FOXP1: variants seen among roughly 807,000 people sequenced by gnomAD.
FOXP1 encodes the protein forkhead box P1.
Under a neutral mutation model 98.2 loss-of-function variants are expected in FOXP1, and 15 were observed. The observed-to-expected ratio is 0.15, with a 90% CI of 0.10 to 0.24. FOXP1 has a LOEUF of 0.24. Ranked by LOEUF, FOXP1 falls within the 10% of genes least tolerant of loss-of-function variation. FOXP1 has a pLI of 1.00. For missense variants in FOXP1, 633 were observed against 848.5 expected (o/e 0.75, Z 3.15); for synonymous variants, 371 against 314.5 (o/e 1.18, Z -1.90).
chr3:71,138,067 T>C (rs1236824178), intron 6 of FOXP1, among the ~76,000 whole-genome samples: 3 of 152,152 alleles, frequency 2.0e-5, no homozygotes, highest in Non-Finnish European at 2.9e-5. Flanking sequence ...CTCCTTGTAA[T>C]GTATTATTGC....
intron 4 of FOXP1, among the ~76,000 whole-genome samples, chr3:71,358,024 G>C (rs1440439236): frequency 1.3e-5 from 2 of 152,046 alleles, no homozygotes; most frequent in African/African-American, 4.8e-5. Flanking sequence ...GTTTGTTTAA[G>C]TATGACTTGC....
intron 3 of FOXP1, among the ~76,000 whole-genome samples, chr3:71,391,475 T>C (rs1197757355): frequency 6.6e-6 from 1 of 152,238 alleles, no homozygotes; most frequent in Non-Finnish European, 1.5e-5. Context: ...CTTTCTTTCA[T>C]CATTCCCTAC....
intron 5 of FOXP1, among the ~76,000 whole-genome samples, chr3:71,250,637 A>C (rs969230424): frequency 6.6e-6 from 1 of 152,220 alleles, no homozygotes; most frequent in Non-Finnish European, 1.5e-5. Context: ...TAAAATTGAA[A>C]GTGTTTTTTG....
At chr3:71,546,659 G>A (rs1027843202) in intron 2 of FOXP1, among the ~76,000 whole-genome samples, 6 of 151,524 alleles carry the variant, frequency 4.0e-5, no homozygotes, top group African/African-American at 1.2e-4. Flanking sequence ...CCAATGCAGC[G>A]AAGCACACCT....
intron 4 of FOXP1, among the ~76,000 whole-genome samples, chr3:71,321,627 CT>C (rs1016238651): frequency 1.0e-3 from 149 of 144,728 alleles, no homozygotes; most frequent in Admixed American, 9.7e-4. Context: ...TTTCTTTTTT[CT>C]TTTTTTTTTT....
At chr3:71,180,865 C>G (rs986553269) in intron 6 of FOXP1, among the ~76,000 whole-genome samples, 1 of 152,148 alleles carries the variant, frequency 6.6e-6, no homozygotes, top group Non-Finnish European at 1.5e-5. Context: ...AACTCTGCGT[C>G]TAAATTTAAA....
At chr3:71,572,482 T>A (rs943573456) in intron 2 of FOXP1, 2 of 142,020 alleles carry the variant, frequency 1.4e-5, no homozygotes, top group African/African-American at 5.2e-5. Context: ...TAGCTACATG[T>A]ATCCACATGG....
intron 2 of FOXP1, among the ~76,000 whole-genome samples, chr3:71,536,229 G>C (rs1488967917): frequency 6.6e-6 from 1 of 152,038 alleles, no homozygotes; most frequent in African/African-American, 2.4e-5. Flanking sequence ...TATAACCAAA[G>C]ACACCCTACA....
chr3:71,260,014 C>T (rs149508906), intron 5 of FOXP1, among the ~76,000 whole-genome samples: 55 of 152,282 alleles, frequency 3.6e-4, no homozygotes, highest in African/African-American at 1.3e-3. Flanking sequence ...GACAGAGTCT[C>T]GCTCTCTCCC....
At chr3:71,561,032 A>C (rs575900042) in intron 2 of FOXP1, among the ~76,000 whole-genome samples, 1 of 152,200 alleles carries the variant, frequency 6.6e-6, no homozygotes, top group Non-Finnish European at 1.5e-5. Context: ...AATATACTAA[A>C]AACCACTGTT....
intron 5 of FOXP1, among the ~76,000 whole-genome samples, chr3:71,223,839 T>G (rs1325970641): frequency 6.6e-6 from 1 of 152,210 alleles, no homozygotes; most frequent in Non-Finnish European, 1.5e-5. Context: ...CATTACTGCT[T>G]CAGTAAAGCC....
At chr3:71,044,843 C>A (rs1001110687) in intron 10 of FOXP1, among the ~76,000 whole-genome samples, 1 of 152,174 alleles carries the variant, frequency 6.6e-6, no homozygotes, top group African/African-American at 2.4e-5. Context: ...CAAAGACAAA[C>A]AGAGTTGATC....
chr3:70,994,803 A>G (rs1435390066), intron 13 of FOXP1, among the ~76,000 whole-genome samples: 3 of 152,198 alleles, frequency 2.0e-5, no homozygotes, highest in Non-Finnish European at 4.4e-5. Context: ...TATTCATTTT[A>G]AAGGGCCTAG....
At chr3:70,984,093 G>A (rs1310747720) in intron 14 of FOXP1, among the ~76,000 whole-genome samples, 1 of 152,206 alleles carries the variant, frequency 6.6e-6, no homozygotes, top group Non-Finnish European at 1.5e-5. Flanking sequence ...AACAAGAAAT[G>A]TGGCCATTCT....
At position 71,126,539 on chromosome 3, in the gene FOXP1, T is replaced by C. The variant is rs547520278; in HGVS notation, c.181-13902A>G. 4.0e-5 allele frequency among the ~76,000 whole-genome samples: 6 copies of C among 151,876 alleles called. No homozygotes were observed. The East Asian group carries it at 9.7e-4, about 24-fold the overall frequency. On this transcript the variant is annotated intron_variant, in intron 6 of 20. Transcript: ENST00000649528. ...TAAAAAGAAAAGAAAAGAAATTTTC[T>C]TGGGCCAAGCACTGTGGCTCACGCC... is the stretch of plus-strand genomic sequence containing the variant.
intron 5 of FOXP1, chr3:71,210,720 A>G (rs2064392333): frequency 6.6e-6 from 1 of 152,312 alleles, no homozygotes; most frequent in East Asian, 1.9e-4. Context: ...GGAGGTAGAG[A>G]AAAGTGAAGG....
intron 6 of FOXP1, among the ~76,000 whole-genome samples, chr3:71,149,904 A>C (rs2060491045): frequency 6.6e-6 from 1 of 152,274 alleles, no homozygotes; most frequent in African/African-American, 2.4e-5. Flanking sequence ...ATTTACTAAA[A>C]TAATTATCAA....
At chr3:70,960,892 A>G (rs2033266178) in intron 20 of FOXP1, among the ~76,000 whole-genome samples, 1 of 145,148 alleles carries the variant, frequency 6.9e-6, no homozygotes, top group Middle Eastern at 3.7e-3. Context: ...CCCAGGCTGG[A>G]GTGCAGTGGC....
intron 11 of FOXP1, among the ~76,000 whole-genome samples, chr3:71,038,384 GAAT>G (rs2106812682): frequency 6.6e-6 from 1 of 152,232 alleles, no homozygotes; most frequent in Admixed American, 6.5e-5. Context: ...GGAGGGAAAA[GAAT>G]ATTACACAGA....
Sources: allele counts gnomAD v4.1 joint callset (sites outside exome capture counted in the v4.1 genomes callset), GRCh38; gene constraint gnomAD v4.1.1; transcripts MANE v1.5; gene names NCBI Gene and HGNC (gene_info 2026-07-23, HGNC 2026-07-21).